The following SCAPER variants were observed in gnomAD, a reference collection of about 807,000 sequenced individuals.
SCAPER encodes the protein S phase cyclin A-associated protein in the endoplasmic reticulum.
In SCAPER, 98 loss-of-function variants were observed where a neutral mutation model predicts 182.2. The observed-to-expected ratio is 0.54, with a 90% CI of 0.46 to 0.64. The LOEUF is 0.64. Among genes scored for constraint, SCAPER ranks in the 30% least tolerant of loss-of-function variants. The pLI, the probability that SCAPER is intolerant of heterozygous loss-of-function variation, is 0.00. For missense variants in SCAPER, 1,432 were observed against 1,690.0 expected (o/e 0.85, Z 2.68); for synonymous variants, 605 against 564.6 (o/e 1.07, Z -1.01).
intron 21 of SCAPER, among the ~76,000 whole-genome samples, chr15:76,649,949 G>A (rs2054882551): frequency 6.6e-6 from 1 of 151,994 alleles, no homozygotes; most frequent in Admixed American, 6.5e-5. Context: ...ATAACAAATG[G>A]TTTCTTAAAT....
intron 23 of SCAPER, among the ~76,000 whole-genome samples, chr15:76,548,074 T>C (rs1353108996): frequency 6.6e-6 from 1 of 151,086 alleles, no homozygotes; most frequent in Admixed American, 6.6e-5. Context: ...CAGAATTTTA[T>C]AATTTTATTC....
At chr15:76,748,233 G>T (rs1005956637) in intron 15 of SCAPER, among the ~76,000 whole-genome samples, 2 of 151,930 alleles carry the variant, frequency 1.3e-5, no homozygotes, top group Admixed American at 6.6e-5. Context: ...CAGGTGATCT[G>T]CCCACCTCGG....
chr15:76,854,738 T>C (rs1331514818), intron 4 of SCAPER, among the ~76,000 whole-genome samples: 1 of 147,570 alleles, frequency 6.8e-6, no homozygotes, highest in Admixed American at 6.9e-5. Context: ...GGCAGGTGGA[T>C]CATGAGGTCA....
intron 30 of SCAPER, among the ~76,000 whole-genome samples, chr15:76,353,001 A>G (rs2040691051): frequency 6.6e-6 from 1 of 152,126 alleles, no homozygotes; most frequent in Non-Finnish European, 1.5e-5. Flanking sequence ...GCGTTTATTA[A>G]TTATCTAATA....
intron 20 of SCAPER, among the ~76,000 whole-genome samples, chr15:76,700,732 T>C (rs77658066): frequency 6.6e-6 from 1 of 152,306 alleles, no homozygotes; most frequent in African/African-American, 2.4e-5. Context: ...TACAGACATG[T>C]TCCTGATGCT....
intron 21 of SCAPER, among the ~76,000 whole-genome samples, chr15:76,661,793 A>G (rs1282536408): frequency 6.6e-6 from 1 of 152,218 alleles, no homozygotes; most frequent in African/African-American, 2.4e-5. Flanking sequence ...AGGATCTAGA[A>G]CCAGAAACAC....
chr15:76,603,284 T>G (rs1315335184), intron 22 of SCAPER, among the ~76,000 whole-genome samples: 1 of 119,040 alleles, frequency 8.4e-6, no homozygotes, highest in African/African-American at 2.5e-5. Flanking sequence ...GAACATGCGG[T>G]GTTTTTTTGT....
At chr15:76,536,946 A>C (rs942250942) in intron 23 of SCAPER, among the ~76,000 whole-genome samples, 1 of 151,734 alleles carries the variant, frequency 6.6e-6, no homozygotes, top group African/African-American at 2.4e-5. Flanking sequence ...GAGCCAAATC[A>C]TGAGTGAACT....
chr15:76,500,553 G>C (rs1016556593), intron 24 of SCAPER, among the ~76,000 whole-genome samples: 3 of 152,142 alleles, frequency 2.0e-5, no homozygotes, highest in African/African-American at 7.2e-5. Flanking sequence ...TTGCTACTAA[G>C]TACATATACT....
chr15:76,665,775 C>A lies in SCAPER; in HGVS notation c.2523G>T (p.Leu841Phe). 6.6e-7 allele frequency: 1 copy of A among 1,522,086 alleles called. No individual in the cohort carries two copies. The highest frequency in any genetic ancestry group is 8.8e-7 in the Non-Finnish European group (1 of 1,137,378). 94.3% of individuals were successfully genotyped at this position (1,522,086 alleles called of 1,614,324 possible). A position where few individuals can be genotyped will look rare whatever the true frequency, so the allele number is the denominator to read the frequency against. ...CCACAATGTCAATAATGTACTTCTT[C>A]AAGGAAAGATGCTCCTGCAAGATAA... ...LSDEEVEHLS[L>F]KKYIIDIVVE... The change falls in exon 21 of 32, where the codon TTG (leucine) becomes TTT (phenylalanine). Residue 841 changes from leucine to phenylalanine, a missense_variant. By Grantham distance (22) the Leu-to-Phe change is conservative. Transcript: ENST00000563290.
At chr15:76,566,855 GAA>G (rs1481404269) in intron 23 of SCAPER, among the ~76,000 whole-genome samples, 1 of 151,738 alleles carries the variant, frequency 6.6e-6, no homozygotes, top group African/African-American at 2.4e-5. Context: ...TAAACATACA[GAA>G]AAGTCAGAAA....
At chr15:76,589,681 C>T (rs1211268944) in intron 22 of SCAPER, among the ~76,000 whole-genome samples, 1 of 152,152 alleles carries the variant, frequency 6.6e-6, no homozygotes. Context: ...GATTCATGCT[C>T]TCCCTCAAGT....
chr15:76,862,631 C>T (rs778940101), intron 2 of SCAPER, 98 bp from the exon 3 acceptor site: 118 of 745,726 alleles, frequency 1.6e-4, no homozygotes, highest in Non-Finnish European at 2.2e-4. Flanking sequence ...AGAAAGAAAA[C>T]ACTTAAAACT....
At chr15:76,499,282 C>G (rs1457743875) in intron 24 of SCAPER, among the ~76,000 whole-genome samples, 1 of 152,190 alleles carries the variant, frequency 6.6e-6, no homozygotes, top group South Asian at 2.1e-4. Context: ...GTTATTCAGT[C>G]TTTAAAACCT....
intron 5 of SCAPER, among the ~76,000 whole-genome samples, chr15:76,816,698 G>A (rs1038172136): frequency 8.6e-5 from 13 of 150,608 alleles, no homozygotes; most frequent in Non-Finnish European, 1.9e-4. Context: ...TGTTGCCCAG[G>A]CTGGAGTGCA....
At chr15:76,604,535 T>C (rs2050191436) in intron 22 of SCAPER, among the ~76,000 whole-genome samples, 1 of 116,188 alleles carries the variant, frequency 8.6e-6, no homozygotes, top group African/African-American at 2.6e-5. Context: ...ATATGAACTT[T>C]AAAGTAGTTT....
chr15:76,899,587 G>A (rs534361136), intron 1 of SCAPER, among the ~76,000 whole-genome samples: 26 of 152,226 alleles, frequency 1.7e-4, no homozygotes, highest in East Asian at 5.8e-4. Context: ...CCGCCACCCC[G>A]TCTAGGAAGT....
intron 20 of SCAPER, among the ~76,000 whole-genome samples, chr15:76,695,512 G>A (rs2058605927): frequency 6.6e-6 from 1 of 151,438 alleles, no homozygotes. Context: ...CAGAAGAATT[G>A]CTTGAACCCA....
intron 23 of SCAPER, among the ~76,000 whole-genome samples, chr15:76,569,777 C>T (rs1226066701): frequency 1.3e-5 from 2 of 151,914 alleles, no homozygotes; most frequent in African/African-American, 2.4e-5. Context: ...GATCTATCTT[C>T]CAGTGCTTGC....
Sources: allele counts gnomAD v4.1 joint callset (sites outside exome capture counted in the v4.1 genomes callset), GRCh38; gene constraint gnomAD v4.1.1; transcripts MANE v1.5; gene names NCBI Gene and HGNC (gene_info 2026-07-23, HGNC 2026-07-21).